The following RAB23 variants were observed in gnomAD, a reference collection of about 807,000 sequenced individuals.
RAB23 encodes the protein ras-related protein Rab-23.
RAB23 carries 15 observed loss-of-function variants against 30.0 expected under a neutral mutation model. The ratio of observed to expected loss-of-function variants is 0.50; its 90% CI spans 0.33 to 0.77. The LOEUF (loss-of-function observed/expected upper bound fraction) is 0.77, where lower values mean the gene tolerates loss of function less well. RAB23 is among the 30% of genes least tolerant of loss of function. The pLI, the probability that RAB23 is intolerant of heterozygous loss-of-function variation, is 0.02. For synonymous variants in RAB23, 93 were observed against 94.0 expected, an observed-to-expected ratio of 0.99 and a Z score of 0.06; for missense variants, 243 against 275.4, an observed-to-expected ratio of 0.88 and a Z score of 0.83.
At chr6:57,194,027 A>G (rs1764934784) in intron 5 of RAB23, 93 bp from the exon 6 acceptor site, 15 of 1,507,848 alleles carry the variant, frequency 9.9e-6, no homozygotes, top group Non-Finnish European at 1.3e-5. Context: ...TACTTACTAA[A>G]CAAATTTAAA....
intron 1 of RAB23, among the ~76,000 whole-genome samples, chr6:57,214,453 C>T (rs899994643): frequency 1.3e-5 from 2 of 152,138 alleles, no homozygotes; most frequent in Admixed American, 6.5e-5. Flanking sequence ...CAGGCGCACA[C>T]CACCACGCCT....
At chr6:57,212,823 G>A (rs898323353) in intron 1 of RAB23, among the ~76,000 whole-genome samples, 2 of 152,022 alleles carry the variant, frequency 1.3e-5, no homozygotes, top group African/African-American at 4.8e-5. Flanking sequence ...GTTCAAGGCC[G>A]CAGTGAGCCA....
At chr6:57,201,641 G>A (rs1765273130) in intron 3 of RAB23, among the ~76,000 whole-genome samples, 1 of 152,082 alleles carries the variant, frequency 6.6e-6, no homozygotes, top group Non-Finnish European at 1.5e-5. Flanking sequence ...AGGTTTCTTT[G>A]TCACATAAAA....
At chr6:57,191,113 A>G (rs894846138) in intron 6 of RAB23, among the ~76,000 whole-genome samples, 1 of 152,182 alleles carries the variant, frequency 6.6e-6, no homozygotes, top group African/African-American at 2.4e-5. Flanking sequence ...TTATCCTTTC[A>G]TACATCAATG....
intron 5 of RAB23, 96 bp downstream of exon 5, chr6:57,194,674 T>C: frequency 1.1e-6 from 1 of 925,036 alleles, no homozygotes; most frequent in Non-Finnish European, 1.6e-6. Context: ...AAAAAAATCT[T>C]GTTCTCGTTA....
intron 1 of RAB23, among the ~76,000 whole-genome samples, chr6:57,212,568 T>A (rs942906527): frequency 1.3e-5 from 2 of 152,046 alleles, no homozygotes; most frequent in African/African-American, 4.8e-5. Flanking sequence ...GGCTATACAC[T>A]GGGATCATCT....
At chr6:57,203,930 G>A (rs959060565) in intron 3 of RAB23, among the ~76,000 whole-genome samples, 3 of 152,106 alleles carry the variant, frequency 2.0e-5, no homozygotes, top group African/African-American at 7.2e-5. Flanking sequence ...ACCAAAATAT[G>A]TTTTAGAGCA....
intron 3 of RAB23, among the ~76,000 whole-genome samples, chr6:57,205,916 G>C (rs1445609381): frequency 6.6e-6 from 1 of 152,210 alleles, no homozygotes. Context: ...GAGTGGAGAG[G>C]AGGAAGGGAT....
At chr6:57,202,397 A>G (rs1204338219) in intron 3 of RAB23, among the ~76,000 whole-genome samples, 1 of 152,190 alleles carries the variant, frequency 6.6e-6, no homozygotes, top group African/African-American at 2.4e-5. Context: ...AAGGAGCACA[A>G]TGTGATCCAA....
At chr6:57,211,315 C>G (rs1765643644) in intron 1 of RAB23, among the ~76,000 whole-genome samples, 1 of 152,004 alleles carries the variant, frequency 6.6e-6, no homozygotes, top group Non-Finnish European at 1.5e-5. Context: ...AATAAATTAG[C>G]CGAGTGTAGT....
rs560369132 is a variant in RAB23, at chr6:57,210,676, C to T, written c.-65-231G>A. Among the ~76,000 whole-genome samples the T allele has an allele frequency of 7.2e-5, 11 of 152,234 alleles. No individual in the cohort carries two copies. In the South Asian group the frequency reaches 2.3e-3, roughly 32 times the overall value. ...CATGACATTCATATATCAATAAATA[C>T]CTAGATCTACTTTCATAGAGATGAT... is the stretch of plus-strand genomic sequence containing the variant. On this transcript the variant is annotated intron_variant, in intron 1 of 6. Coordinates refer to ENST00000468148, the MANE Select transcript of RAB23 (RefSeq NM_016277.5).
At chr6:57,199,959 T>C (rs535263560) in intron 3 of RAB23, among the ~76,000 whole-genome samples, 1 of 152,286 alleles carries the variant, frequency 6.6e-6, no homozygotes, top group Non-Finnish European at 1.5e-5. Flanking sequence ...CTTTTATGTT[T>C]GGAAAAATCC....
chr6:57,200,972 T>A (rs1044297626), intron 3 of RAB23, among the ~76,000 whole-genome samples: 3 of 152,142 alleles, frequency 2.0e-5, no homozygotes, highest in African/African-American at 7.2e-5. Flanking sequence ...GTACTGAATA[T>A]TTTAAGCTGA....
chr6:57,218,125 TG>T (rs1765916539), intron 1 of RAB23, among the ~76,000 whole-genome samples: 1 of 152,236 alleles, frequency 6.6e-6, no homozygotes, highest in Admixed American at 6.5e-5. Flanking sequence ...GCAGTTTCAC[TG>T]AAGAATCCTA....
intron 3 of RAB23, among the ~76,000 whole-genome samples, chr6:57,199,816 T>G (rs775642443): frequency 2.0e-5 from 3 of 152,180 alleles, no homozygotes; most frequent in African/African-American, 4.8e-5. Flanking sequence ...GGATTACTTT[T>G]TATGGATTAC....
chr6:57,217,842 T>C (rs1765907031), intron 1 of RAB23, among the ~76,000 whole-genome samples: 1 of 152,074 alleles, frequency 6.6e-6, no homozygotes, highest in South Asian at 2.1e-4. Context: ...AATAAAACTT[T>C]AGTGAGACTA....
rs1268364822 is a variant in RAB23 at position 57,207,821 on chromosome 6, G to A, written c.156-108C>T. ...ATCCAAAGATATTAAAACTACAAAT[G>A]CTCCTTGACTTATGATGGGTTGTCC... On this transcript the variant is annotated intron_variant, in intron 2 of 6. Transcript: ENST00000468148. The A allele has an allele frequency of 9.4e-6, 7 of 743,242 alleles. No individual in the cohort carries two copies. The Admixed American group carries it at 1.6e-4, about 17-fold the overall frequency. 46.0% of individuals were successfully genotyped at this position (743,242 alleles called of 1,614,324 possible). A position where few individuals can be genotyped will look rare whatever the true frequency, so the allele number is the denominator to read the frequency against.
rs1474663921 is a variant in RAB23 at position 57,221,779 on chromosome 6, C to T, written c.-119G>A. On this transcript the variant is annotated 5_prime_UTR_variant, in exon 1 of 7. Coordinates refer to ENST00000468148, the MANE Select transcript of RAB23 (RefSeq NM_016277.5). ...TGGCGCTGCCGCCCACCTTCTCTAG[C>T]TGGAACTTGGGATCGGTGCTCAGGG... The T allele has an allele frequency of 6.6e-6, 1 of 152,328 alleles. No homozygotes were observed. The highest frequency in any genetic ancestry group is 1.5e-5 in the Non-Finnish European group (1 of 68,100). 9.4% of individuals were successfully genotyped at this position (152,328 alleles called of 1,614,324 possible).
At chr6:57,210,120 G>C in intron 2 of RAB23, 106 bp downstream of exon 2, 1 of 1,250,064 alleles carries the variant, frequency 8.0e-7, no homozygotes, top group Non-Finnish European at 1.2e-6. Flanking sequence ...ATTGCCACTA[G>C]TTGCCACACC....
Sources: allele counts gnomAD v4.1 joint callset (sites outside exome capture counted in the v4.1 genomes callset), GRCh38; gene constraint gnomAD v4.1.1; transcripts MANE v1.5; gene names NCBI Gene and HGNC (gene_info 2026-07-23, HGNC 2026-07-21).